The following RBMS3 variants were observed in gnomAD, a reference collection of about 807,000 sequenced individuals.
The protein encoded by RBMS3 is RNA binding motif single stranded interacting protein 3.
In RBMS3, 27 loss-of-function variants were observed where a neutral mutation model predicts 66.8. The observed-to-expected ratio is 0.40, with a 90% CI of 0.30 to 0.56. The LOEUF (loss-of-function observed/expected upper bound fraction) is 0.56, where lower values mean the gene tolerates loss of function less well. Ranked by LOEUF, RBMS3 falls within the 20% of genes least tolerant of loss-of-function variation. The probability of loss-of-function intolerance (pLI) is 0.40; values close to 1 mark genes in which losing one functional copy is unlikely to be tolerated. For synonymous variants in RBMS3, 188 were observed against 183.0 expected (o/e 1.03, Z -0.22); for missense variants, 513 against 549.5 (o/e 0.93, Z 0.66).
intron 12 of RBMS3, among the ~76,000 whole-genome samples, chr3:29,950,552 G>C (rs1695615767): frequency 6.6e-6 from 1 of 151,842 alleles, no homozygotes; most frequent in Non-Finnish European, 1.5e-5. Context: ...GACTATGTAT[G>C]ATTCAGCCCT....
At chr3:29,755,987 G>A (rs151114826) in intron 5 of RBMS3, among the ~76,000 whole-genome samples, 1 of 152,214 alleles carries the variant, frequency 6.6e-6, no homozygotes, top group African/African-American at 2.4e-5. Flanking sequence ...AATAAAGAAT[G>A]CAAGTTCAGT....
At chr3:29,656,580 T>A (rs1243811879) in intron 4 of RBMS3, among the ~76,000 whole-genome samples, 1 of 152,206 alleles carries the variant, frequency 6.6e-6, no homozygotes, top group Admixed American at 6.5e-5. Flanking sequence ...AGACTCTGTA[T>A]GCAATATAAT....
At chr3:29,732,541 A>G (rs1315436165) in intron 4 of RBMS3, among the ~76,000 whole-genome samples, 1 of 152,164 alleles carries the variant, frequency 6.6e-6, no homozygotes, top group East Asian at 1.9e-4. Flanking sequence ...ATAATACTGA[A>G]GCAAGTATGG....
intron 6 of RBMS3, among the ~76,000 whole-genome samples, chr3:29,790,921 C>T (rs2056988626): frequency 6.6e-6 from 1 of 152,104 alleles, no homozygotes. Context: ...TGAATGTCCC[C>T]TGATACTGCA....
chr3:29,746,295 T>G (rs2149358718), intron 5 of RBMS3, among the ~76,000 whole-genome samples: 1 of 152,356 alleles, frequency 6.6e-6, no homozygotes, highest in East Asian at 1.9e-4. Context: ...CTCGCTATTT[T>G]GGCAATCCTT....
intron 1 of RBMS3, among the ~76,000 whole-genome samples, chr3:29,315,107 A>C (rs1056416115): frequency 2.6e-5 from 4 of 151,828 alleles, no homozygotes; most frequent in Non-Finnish European, 4.4e-5. Context: ...TAAATTAGAC[A>C]CTATTGGCAC....
chr3:29,618,516 A>G (rs1400135515), intron 4 of RBMS3, among the ~76,000 whole-genome samples: 6 of 151,616 alleles, frequency 4.0e-5, no homozygotes, highest in Non-Finnish European at 7.4e-5. Flanking sequence ...CAAAAAAAGA[A>G]AGAAAAAAAA....
At chr3:29,326,217 A>G (rs927044261) in intron 1 of RBMS3, among the ~76,000 whole-genome samples, 1 of 152,074 alleles carries the variant, frequency 6.6e-6, no homozygotes, top group African/African-American at 2.4e-5. Context: ...TGGCTACATA[A>G]TATATATGGA....
intron 1 of RBMS3, among the ~76,000 whole-genome samples, chr3:29,416,003 A>G (rs539181849): frequency 6.6e-6 from 1 of 152,156 alleles, no homozygotes; most frequent in Non-Finnish European, 1.5e-5. Flanking sequence ...CAGAAAGAAC[A>G]AGTGGAAACG....
At chr3:29,348,826 A>G (rs2036738342) in intron 1 of RBMS3, among the ~76,000 whole-genome samples, 1 of 152,180 alleles carries the variant, frequency 6.6e-6, no homozygotes, top group African/African-American at 2.4e-5. Flanking sequence ...TCAATAATCC[A>G]TCTTTAATAA....
intron 4 of RBMS3, among the ~76,000 whole-genome samples, chr3:29,673,433 C>G (rs1478334849): frequency 6.7e-6 from 1 of 149,516 alleles, no homozygotes; most frequent in African/African-American, 2.5e-5. Context: ...CACAAAAAAC[C>G]CTTCAAAAAA....
intron 1 of RBMS3, among the ~76,000 whole-genome samples, chr3:29,308,707 T>C (rs540851431): frequency 1.4e-5 from 2 of 144,668 alleles, no homozygotes; most frequent in Non-Finnish European, 3.0e-5. Context: ...TGGAAATATA[T>C]GTGCCTGAAA....
chr3:29,434,846 A>T lies in RBMS3; in HGVS notation c.179A>T (p.Lys60Ile). The T allele has an allele frequency of 6.2e-7, 1 of 1,614,114 alleles. No homozygotes were observed. Among genetic ancestry groups the T allele is most frequent in the Non-Finnish European group, 8.5e-7 (1 of 1,180,004 alleles). The change falls in exon 2 of 15, where the codon AAA becomes ATA. Residue 60 changes from lysine (K) to isoleucine (I), a missense_variant. Transcript: ENST00000383767. Reference protein sequence around the residue: ...SNNSSGEQLSKTNLYIRGLPP... With the variant: ...SNNSSGEQLSITNLYIRGLPP... ...AACAGCAGCGGGGAACAGTTGAGTA[A>T]AACCAACCTGTACATTCGAGGCCTC...
At chr3:29,471,653 A>G (rs2042729608) in intron 2 of RBMS3, among the ~76,000 whole-genome samples, 2 of 151,168 alleles carry the variant, frequency 1.3e-5, no homozygotes, top group Admixed American at 1.3e-4. Context: ...CATACAGCTT[A>G]TATACTATGC....
chr3:29,979,827 G>C (rs1471883824), intron 12 of RBMS3, among the ~76,000 whole-genome samples: 1 of 152,080 alleles, frequency 6.6e-6, no homozygotes, highest in Non-Finnish European at 1.5e-5. Flanking sequence ...TCTTTATCCA[G>C]TCTATCATTG....
chr3:29,488,547 A>G, intron 3 of RBMS3, 48 bp downstream of exon 3: 3 of 1,516,588 alleles, frequency 2.0e-6, no homozygotes, highest in Non-Finnish European at 2.7e-6. Flanking sequence ...ATGCTATCTG[A>G]TTAATGGTTC....
chr3:29,436,739 C>G (rs1210494175), intron 2 of RBMS3, among the ~76,000 whole-genome samples: 1 of 152,160 alleles, frequency 6.6e-6, no homozygotes, highest in African/African-American at 2.4e-5. Context: ...GTCTTTACCA[C>G]TTGTAGAGCC....
chr3:29,500,328 T>C (rs2043919518), intron 3 of RBMS3, among the ~76,000 whole-genome samples: 1 of 151,094 alleles, frequency 6.6e-6, no homozygotes, highest in Non-Finnish European at 1.5e-5. Context: ...AAGTCAAAGA[T>C]TCCCGTATAG....
intron 6 of RBMS3, among the ~76,000 whole-genome samples, chr3:29,857,561 TAAA>T (rs35553639): frequency 0.037 from 5,137 of 139,496 alleles, 130 homozygotes; most frequent in Admixed American, 0.046. Flanking sequence ...CTTTTTTTGT[TAAA>T]AAAAAAAAAA....
Sources: allele counts gnomAD v4.1 joint callset (sites outside exome capture counted in the v4.1 genomes callset), GRCh38; gene constraint gnomAD v4.1.1; transcripts MANE v1.5; gene names NCBI Gene and HGNC (gene_info 2026-07-23, HGNC 2026-07-21).